The following FHIT variants were observed in gnomAD, a reference collection of about 807,000 sequenced individuals.
The protein encoded by FHIT is fragile histidine triad diadenosine triphosphatase.
A neutral mutation model predicts 17.9 loss-of-function variants in FHIT; 19 were observed. That is an observed-to-expected ratio of 1.06 (90% CI 0.74 to 1.56). The LOEUF (loss-of-function observed/expected upper bound fraction) is 1.56. Ranked by LOEUF, FHIT falls within the 40% of genes most tolerant of loss-of-function variation. The probability of loss-of-function intolerance (pLI) is 0.00; values close to 1 mark genes in which losing one functional copy is unlikely to be tolerated. For synonymous variants in FHIT, 81 were observed against 69.7 expected (o/e 1.16, Z -0.81); for missense variants, 248 against 189.2 (o/e 1.31, Z -1.82).
At chr3:60,407,355 C>G (rs1017625553) in intron 5 of FHIT, among the ~76,000 whole-genome samples, 18 of 151,982 alleles carry the variant, frequency 1.2e-4, no homozygotes, top group African/African-American at 4.4e-4. Flanking sequence ...GTTTCTTATT[C>G]ATCAATTCAC....
chr3:60,124,465 A>T (rs1705448798), intron 5 of FHIT, among the ~76,000 whole-genome samples: 1 of 152,164 alleles, frequency 6.6e-6, no homozygotes, highest in Non-Finnish European at 1.5e-5. Context: ...CTTATAACAC[A>T]GCCCATGCTC....
intron 3 of FHIT, among the ~76,000 whole-genome samples, chr3:61,002,406 G>A (rs1009251910): frequency 6.6e-5 from 10 of 152,140 alleles, no homozygotes; most frequent in East Asian, 5.8e-4. Flanking sequence ...GGGACTACAC[G>A]CATGTGCCAA....
At chr3:60,248,778 ACAG>A (rs1425552471) in intron 5 of FHIT, among the ~76,000 whole-genome samples, 1 of 152,130 alleles carries the variant, frequency 6.6e-6, no homozygotes, top group East Asian at 1.9e-4. Flanking sequence ...CACTTAAAAA[ACAG>A]CAGGTGCTAG....
At chr3:60,458,446 G>T (rs909940742) in intron 5 of FHIT, among the ~76,000 whole-genome samples, 1 of 143,888 alleles carries the variant, frequency 6.9e-6, no homozygotes, top group African/African-American at 2.6e-5. Flanking sequence ...TGTGGGGTGG[G>T]GGGAGGGGGG....
intron 5 of FHIT, among the ~76,000 whole-genome samples, chr3:60,273,633 T>C (rs1355808970): frequency 6.6e-6 from 1 of 152,098 alleles, no homozygotes; most frequent in Non-Finnish European, 1.5e-5. Flanking sequence ...AAAAGCCTCA[T>C]TATTTTTTAT....
intron 5 of FHIT, among the ~76,000 whole-genome samples, chr3:60,051,818 C>T (rs1463568932): frequency 6.6e-6 from 1 of 152,088 alleles, no homozygotes; most frequent in African/African-American, 2.4e-5. Flanking sequence ...TGACTTCTCT[C>T]AGATAACAAC....
Position 61,251,018 on chromosome 3 carries a change from C to A in FHIT, c.-213+283G>T, listed in dbSNP as rs2040610692. On this transcript the variant is annotated intron_variant, in intron 1 of 9. Coordinates refer to ENST00000492590, the MANE Select transcript of FHIT (RefSeq NM_002012.4). Reference sequence around the variant, plus strand: ...ACACCCCCAGAGCCAAGAGCTGTGGCGTCCCCGGACCCGCTGGCGTGGCCC... The same window carrying A: ...ACACCCCCAGAGCCAAGAGCTGTGGAGTCCCCGGACCCGCTGGCGTGGCCC... Among the ~76,000 whole-genome samples, 3 of 152,184 alleles carry A rather than the reference C, an allele frequency of 2.0e-5. No individual in the cohort carries two copies. The South Asian group carries it at 6.2e-4, about 31-fold the overall frequency.
intron 5 of FHIT, among the ~76,000 whole-genome samples, chr3:60,058,130 G>GTTTT (rs71089573): frequency 4.5e-5 from 3 of 66,344 alleles, no homozygotes; most frequent in African/African-American, 1.2e-4. Flanking sequence ...ACAGAGTTGT[G>GTTTT]TTTTTTTTTT....
chr3:61,166,825 TTAAG>T (rs2107116817), intron 2 of FHIT: 1 of 152,330 alleles, frequency 6.6e-6, no homozygotes, highest in African/African-American at 2.4e-5. Context: ...GTGTGGTGTC[TTAAG>T]TAAGACAGGT....
intron 5 of FHIT, among the ~76,000 whole-genome samples, chr3:60,460,426 G>T (rs2032389604): frequency 6.6e-6 from 1 of 150,482 alleles, no homozygotes; most frequent in Non-Finnish European, 1.5e-5. Flanking sequence ...AAAAAAAAAA[G>T]AACCATGAGG....
rs564605350 is a variant in FHIT, at chr3:61,008,539, A to G, written c.-111+33508T>C. On this transcript the variant is annotated intron_variant, in intron 3 of 9. Transcript: ENST00000492590. The stretch of plus-strand genomic sequence containing the variant: ...CAAACAGCTCTTTGAAGCCTCCCTG[A>G]TAGAGGTGGTTGTGTTTGTGCAACA... Among the ~76,000 whole-genome samples, 9 of 151,004 alleles carry G rather than the reference A, an allele frequency of 6.0e-5. No individual in the cohort carries two copies. In the South Asian group the frequency reaches 1.5e-3, roughly 25 times the overall value.
chr3:61,003,107 C>T (rs1414271223), intron 3 of FHIT, among the ~76,000 whole-genome samples: 1 of 152,142 alleles, frequency 6.6e-6, no homozygotes, highest in Non-Finnish European at 1.5e-5. Flanking sequence ...AAAACTAAAG[C>T]ACAGGAGAAG....
At chr3:60,049,324 C>T (rs182516712) in intron 5 of FHIT, among the ~76,000 whole-genome samples, 1 of 152,182 alleles carries the variant, frequency 6.6e-6, no homozygotes, top group Non-Finnish European at 1.5e-5. Flanking sequence ...ATGCAGCTAC[C>T]GGGCATTTGA....
intron 2 of FHIT, among the ~76,000 whole-genome samples, chr3:61,045,633 G>A (rs1236590329): frequency 1.3e-5 from 2 of 152,176 alleles, no homozygotes; most frequent in Non-Finnish European, 2.9e-5. Context: ...TCTGAACCAA[G>A]TGGACCTAAT....
At chr3:60,657,419 C>A (rs547047629) in intron 4 of FHIT, among the ~76,000 whole-genome samples, 22 of 152,294 alleles carry the variant, frequency 1.4e-4, no homozygotes, top group South Asian at 1.0e-3. Flanking sequence ...GTCAATGCTG[C>A]ACTAAGGCAA....
chr3:60,472,949 A>C (rs2033162977), intron 5 of FHIT, among the ~76,000 whole-genome samples: 1 of 152,288 alleles, frequency 6.6e-6, no homozygotes, highest in African/African-American at 2.4e-5. Flanking sequence ...CCTGACATTT[A>C]TCTCCTTTAG....
chr3:60,880,018 T>C (rs1704884481), intron 3 of FHIT, among the ~76,000 whole-genome samples: 1 of 151,880 alleles, frequency 6.6e-6, no homozygotes, highest in Non-Finnish European at 1.5e-5. Flanking sequence ...TAGAGATGTG[T>C]ATATACAGAT....
At chr3:60,180,985 G>A (rs1380196172) in intron 5 of FHIT, among the ~76,000 whole-genome samples, 1 of 151,858 alleles carries the variant, frequency 6.6e-6, no homozygotes, top group Non-Finnish European at 1.5e-5. Context: ...TAAAATGAAG[G>A]TGAGTAGGAA....
intron 3 of FHIT, among the ~76,000 whole-genome samples, chr3:61,032,617 G>A (rs1340325412): frequency 1.3e-5 from 2 of 152,020 alleles, no homozygotes; most frequent in Non-Finnish European, 2.9e-5. Context: ...GTAAGCAAAG[G>A]GGCTAATAGA....
Sources: gnomAD v4.1 joint callset for allele counts (sites outside exome capture counted in the v4.1 genomes callset) on GRCh38, gnomAD v4.1.1 for gene constraint, MANE v1.5 for transcripts, NCBI Gene and HGNC (gene_info 2026-07-23, HGNC 2026-07-21) for gene names.